HNF4G: variants seen among roughly 807,000 people sequenced by gnomAD.
HNF4G encodes hepatocyte nuclear factor 4 gamma.
HNF4G carries 21 observed loss-of-function variants against 50.9 expected under a neutral mutation model. The ratio of observed to expected loss-of-function variants is 0.41; its 90% CI spans 0.29 to 0.59. HNF4G has a LOEUF of 0.59. Ranked by LOEUF, HNF4G falls within the 20% of genes least tolerant of loss-of-function variation. HNF4G has a pLI of 0.26. For synonymous variants in HNF4G, 198 were observed against 185.6 expected, an observed-to-expected ratio of 1.07 and a Z score of -0.54; for missense variants, 527 against 559.4, an observed-to-expected ratio of 0.94 and a Z score of 0.58.
chr8:75,448,654 C>T (rs1485557322), intron 1 of HNF4G, among the ~76,000 whole-genome samples: 1 of 151,694 alleles, frequency 6.6e-6, no homozygotes, highest in Non-Finnish European at 1.5e-5. Flanking sequence ...TATGAATATT[C>T]ATTGGGAATG....
At chr8:75,511,554 T>C (rs1182091643) in intron 2 of HNF4G, among the ~76,000 whole-genome samples, 1 of 152,224 alleles carries the variant, frequency 6.6e-6, no homozygotes, top group African/African-American at 2.4e-5. Flanking sequence ...TCCATGAGTA[T>C]GGTATATGTC....
intron 2 of HNF4G, among the ~76,000 whole-genome samples, chr8:75,529,959 G>A (rs1035723453): frequency 2.6e-4 from 40 of 152,032 alleles, no homozygotes; most frequent in African/African-American, 8.7e-4. Context: ...AAATAAGCTG[G>A]CGGTAAGGCC....
At chr8:75,547,095 A>G (rs928873384) in intron 2 of HNF4G, among the ~76,000 whole-genome samples, 1 of 152,054 alleles carries the variant, frequency 6.6e-6, no homozygotes, top group Non-Finnish European at 1.5e-5. Flanking sequence ...CTGTACTCTC[A>G]ATGTTGTCCT....
chr8:75,535,665 T>C (rs1056917532), upstream of HNF4G, among the ~76,000 whole-genome samples: 1 of 151,870 alleles, frequency 6.6e-6, no homozygotes, highest in Non-Finnish European at 1.5e-5. Flanking sequence ...TTCTTAACTC[T>C]ATTTTACAGT....
chr8:75,526,769 CTT>C (rs71273896), intron 2 of HNF4G, among the ~76,000 whole-genome samples: 4 of 145,234 alleles, frequency 2.8e-5, no homozygotes, highest in Non-Finnish European at 4.5e-5. Flanking sequence ...AACAAGCATT[CTT>C]TTTTTTTTTC....
intron 1 of HNF4G, among the ~76,000 whole-genome samples, chr8:75,461,757 T>A (rs949439343): frequency 6.6e-6 from 1 of 151,814 alleles, no homozygotes; most frequent in South Asian, 2.1e-4. Flanking sequence ...TACATACTTA[T>A]CATAAAGTTT....
intron 2 of HNF4G, among the ~76,000 whole-genome samples, chr8:75,521,383 A>G (rs1485687902): frequency 6.6e-6 from 1 of 152,230 alleles, no homozygotes; most frequent in African/African-American, 2.4e-5. Flanking sequence ...TAGCAGCTGC[A>G]CAGTTTTATG....
chr8:75,498,165 T>A (rs569611802), intron 2 of HNF4G, among the ~76,000 whole-genome samples: 28 of 152,248 alleles, frequency 1.8e-4, no homozygotes, highest in African/African-American at 6.5e-4. Flanking sequence ...TCTAATTATG[T>A]CTCTTCATTT....
intron 1 of HNF4G, among the ~76,000 whole-genome samples, chr8:75,488,375 G>A (rs549964302): frequency 6.6e-6 from 1 of 152,254 alleles, no homozygotes; most frequent in East Asian, 1.9e-4. Flanking sequence ...CCAGGATCAA[G>A]CAATTCTTCT....
chr8:75,513,240 G>A (rs532044958), intron 2 of HNF4G, among the ~76,000 whole-genome samples: 2 of 152,160 alleles, frequency 1.3e-5, no homozygotes, highest in Non-Finnish European at 1.5e-5. Flanking sequence ...GTTTCACCAC[G>A]TTGGCCAGGC....
At chr8:75,513,141 G>A (rs531706999) in intron 2 of HNF4G, among the ~76,000 whole-genome samples, 1 of 151,854 alleles carries the variant, frequency 6.6e-6, no homozygotes, top group Non-Finnish European at 1.5e-5. Context: ...GGCTTCAAGC[G>A]ATTCTCCTGC....
chr8:75,439,587 A>G (rs915117900), intron 1 of HNF4G, among the ~76,000 whole-genome samples: 19 of 152,208 alleles, frequency 1.2e-4, no homozygotes, highest in East Asian at 1.2e-3. Context: ...AACAGCAATG[A>G]ATATACTAAA....
chr8:75,513,793 T>G (rs1305906313), intron 2 of HNF4G, among the ~76,000 whole-genome samples: 1 of 151,580 alleles, frequency 6.6e-6, no homozygotes, highest in Non-Finnish European at 1.5e-5. Flanking sequence ...TATATTTTTC[T>G]TAATTTTTGA....
chr8:75,561,057 A>G (rs1229345209), intron 9 of HNF4G, among the ~76,000 whole-genome samples: 1 of 151,406 alleles, frequency 6.6e-6, no homozygotes, highest in African/African-American at 2.4e-5. Flanking sequence ...TACATTAGGA[A>G]GTGAGGATTT....
intron 1 of HNF4G, among the ~76,000 whole-genome samples, chr8:75,431,531 T>C (rs534529533): frequency 2.6e-5 from 4 of 152,154 alleles, no homozygotes; most frequent in Admixed American, 2.0e-4. Flanking sequence ...TAAATATAAA[T>C]TGAGTTAAAT....
intron 1 of HNF4G, among the ~76,000 whole-genome samples, chr8:75,458,723 G>T (rs986468028): frequency 6.6e-6 from 1 of 152,064 alleles, no homozygotes; most frequent in African/African-American, 2.4e-5. Flanking sequence ...GCATTCAGGG[G>T]CATAGTTCAG....
At chr8:75,459,104 T>C (rs1811787390) in intron 1 of HNF4G, among the ~76,000 whole-genome samples, 1 of 152,144 alleles carries the variant, frequency 6.6e-6, no homozygotes, top group African/African-American at 2.4e-5. Context: ...TATCTAGCTA[T>C]TTCACCCTTC....
chr8:75,428,401 A>T (rs1810934317), intron 1 of HNF4G, among the ~76,000 whole-genome samples: 1 of 152,168 alleles, frequency 6.6e-6, no homozygotes, highest in South Asian at 2.1e-4. Context: ...AGGGGCAGTA[A>T]TATGTTAGGT....
intron 2 of HNF4G, among the ~76,000 whole-genome samples, chr8:75,514,133 AATAAGCTAAAT>A (rs1449051042): frequency 6.6e-6 from 1 of 151,882 alleles, no homozygotes; most frequent in Non-Finnish European, 1.5e-5. Context: ...TTAATAGCTA[AATAAGCTAAAT>A]ATAAGCTGAG....
Sources: gnomAD v4.1 joint callset for allele counts (sites outside exome capture counted in the v4.1 genomes callset) on GRCh38, gnomAD v4.1.1 for gene constraint, MANE v1.5 for transcripts, NCBI Gene and HGNC (gene_info 2026-07-23, HGNC 2026-07-21) for gene names.